The following CRYBG1 variants were observed in gnomAD, a reference collection of about 807,000 sequenced individuals.
CRYBG1 encodes crystallin beta-gamma domain containing 1, also known as beta/gamma crystallin domain-containing protein 1.
In CRYBG1, 139 loss-of-function variants were observed where a neutral mutation model predicts 189.2. The ratio of observed to expected loss-of-function variants is 0.73; its 90% CI spans 0.64 to 0.85. The LOEUF is 0.85. Ranked by LOEUF, CRYBG1 falls within the 40% of genes least tolerant of loss-of-function variation. The pLI is 0.00. For missense variants in CRYBG1, 2,611 were observed against 2,675.8 expected (o/e 0.98, Z 0.53); for synonymous variants, 1,023 against 1,017.1 (o/e 1.01, Z -0.11).
chr6:106,516,911 C>T (rs1417536642), intron 3 of CRYBG1, among the ~76,000 whole-genome samples: 3 of 151,604 alleles, frequency 2.0e-5, no homozygotes, highest in Non-Finnish European at 1.5e-5. Flanking sequence ...TAAGTAAGCC[C>T]GATGAAGCAT....
Position 106,520,895 on chromosome 6 carries a change from T to G in CRYBG1, c.3687T>G (p.Asn1229Lys). The G allele has an allele frequency of 6.2e-7, 1 of 1,614,190 alleles. No individual in the cohort carries two copies. The highest frequency in any genetic ancestry group is 8.5e-7 in the Non-Finnish European group (1 of 1,180,032). ...INDKENRDVT[N>K]GGIKRSRLEK... ...ACAAAGAGAACAGGGACGTCACAAA[T>G]GGTGGCATTAAGAGATCGAGACTAG... is the stretch of plus-strand genomic sequence containing the variant. Residue 1229 changes from asparagine to lysine, a missense_variant, in exon 4 of 22, where the codon AAT becomes AAG. By Grantham distance (94) the Asn-to-Lys change is moderately conservative. Transcript: ENST00000633556.
At chr6:106,544,386 T>C (rs988795678) in intron 11 of CRYBG1, among the ~76,000 whole-genome samples, 185 bp from the exon 12 acceptor site, 2 of 152,134 alleles carry the variant, frequency 1.3e-5, no homozygotes, top group African/African-American at 4.8e-5. Flanking sequence ...GATATATGTC[T>C]CTTAGGTTAT....
intron 20 of CRYBG1, 123 bp downstream of exon 20, chr6:106,561,623 A>C: frequency 8.1e-7 from 1 of 1,230,250 alleles, no homozygotes; most frequent in African/African-American, 1.5e-5. Context: ...TACTTTCAGA[A>C]ATGAATTTGT....
At chr6:106,393,861 T>C (rs933944301) in intron 1 of CRYBG1, among the ~76,000 whole-genome samples, 6 of 152,066 alleles carry the variant, frequency 3.9e-5, no homozygotes, top group Non-Finnish European at 1.5e-5. Flanking sequence ...TTAGTACAGA[T>C]GGGGTTTTGC....
Position 106,543,570 on chromosome 6 carries a change from T to TG in CRYBG1, c.5016dup (p.Ser1673ValfsTer13). 1 of 1,614,026 alleles carries TG rather than the reference T, an allele frequency of 6.2e-7. No homozygotes were observed. The highest frequency in any genetic ancestry group is 8.5e-7 in the Non-Finnish European group (1 of 1,179,936). Reference sequence around the variant, plus strand: ...GACGATCATTTGCCGTTTACGTCAGTGGGGTCTATGAAAGTTCTAAGAGGC... The same window carrying TG: ...GACGATCATTTGCCGTTTACGTCAGTGGGGGTCTATGAAAGTTCTAAGAGGC... On this transcript the variant is annotated frameshift_variant, in exon 11 of 22. Coordinates refer to ENST00000633556, the MANE Select transcript of CRYBG1 (RefSeq NM_001371242.2). LOFTEE classifies it high-confidence loss of function.
At chr6:106,456,631 A>G (rs897859402) in intron 2 of CRYBG1, among the ~76,000 whole-genome samples, 2 of 152,138 alleles carry the variant, frequency 1.3e-5, no homozygotes, top group East Asian at 3.8e-4. Context: ...TTTGTTTTCC[A>G]TGTTTCCCAG....
rs747613157 is a variant in CRYBG1 at position 106,520,980 on chromosome 6, C to T, written c.3772C>T (p.Pro1258Ser). 7 of 1,614,134 alleles carry T rather than the reference C, an allele frequency of 4.3e-6. No homozygotes were observed. Among genetic ancestry groups the T allele is most frequent in the Non-Finnish European group, 5.9e-6 (7 of 1,180,026 alleles). The change falls in exon 4 of 22, where the codon CCT (proline) becomes TCT (serine). Residue 1258 changes from proline (P) to serine (S), a missense_variant. This residue lies in a region of CRYBG1 where 1,622 missense variants were observed against 1,735.0 expected (regional missense o/e 0.93). Coordinates refer to ENST00000633556, the MANE Select transcript of CRYBG1 (RefSeq NM_001371242.2). The part of the protein sequence containing the change: ...SSLPQDKIFS[P>S]SVTSVNTMTT... The stretch of plus-strand genomic sequence containing the variant: ...TTTACCACAAGACAAAATCTTTTCT[C>T]CTTCTGTGACATCAGTCAACACTAT...
intron 1 of CRYBG1, among the ~76,000 whole-genome samples, chr6:106,408,049 C>A (rs762779849): frequency 6.6e-6 from 1 of 152,018 alleles, no homozygotes; most frequent in Non-Finnish European, 1.5e-5. Context: ...GAGATAGAGA[C>A]AGGAAAAACC....
intron 17 of CRYBG1, among the ~76,000 whole-genome samples, chr6:106,556,929 T>C (rs1373517491): frequency 6.6e-6 from 1 of 152,200 alleles, no homozygotes; most frequent in East Asian, 1.9e-4. Context: ...TTCTAAAAGC[T>C]ACCTACAAGT....
At chr6:106,452,176 G>A (rs1771794533) in intron 2 of CRYBG1, among the ~76,000 whole-genome samples, 1 of 148,208 alleles carries the variant, frequency 6.7e-6, no homozygotes, top group Admixed American at 6.7e-5. Flanking sequence ...GGAGGCAGAG[G>A]CAGGCGGATC....
chr6:106,506,046 G>A (rs1376266913), intron 2 of CRYBG1, among the ~76,000 whole-genome samples: 2 of 152,216 alleles, frequency 1.3e-5, no homozygotes, highest in African/African-American at 2.4e-5. Context: ...CTGAGAGGCT[G>A]CAGTAAACCT....
intron 1 of CRYBG1, chr6:106,420,767 G>T (rs1164065186): frequency 6.5e-6 from 1 of 152,862 alleles, no homozygotes; most frequent in Admixed American, 6.6e-5. Context: ...AGATTTCATT[G>T]TTCCTTCCCC....
intron 1 of CRYBG1, among the ~76,000 whole-genome samples, chr6:106,448,274 C>G (rs558124098): frequency 2.4e-4 from 37 of 152,210 alleles, no homozygotes; most frequent in Non-Finnish European, 5.1e-4. Context: ...TTAGCCAACA[C>G]CCCATCATTC....
At chr6:106,535,450 A>G (rs897658390) in intron 8 of CRYBG1, among the ~76,000 whole-genome samples, 2 of 152,186 alleles carry the variant, frequency 1.3e-5, no homozygotes, top group Non-Finnish European at 2.9e-5. Flanking sequence ...GAGCACTTCA[A>G]TGTACATTGG....
chr6:106,503,178 A>C (rs574158166), intron 2 of CRYBG1, among the ~76,000 whole-genome samples: 7 of 152,306 alleles, frequency 4.6e-5, no homozygotes, highest in East Asian at 1.9e-4. Context: ...TTAGGGGGGA[A>C]ATCAGGGCCT....
chr6:106,407,769 GAC>G (rs1770853309), intron 1 of CRYBG1, among the ~76,000 whole-genome samples: 1 of 152,178 alleles, frequency 6.6e-6, no homozygotes, highest in Admixed American at 6.5e-5. Flanking sequence ...GCTCCTGAAT[GAC>G]TACTGGGTAA....
At chr6:106,551,373 C>T (rs1246978001) in intron 13 of CRYBG1, among the ~76,000 whole-genome samples, 2 of 152,152 alleles carry the variant, frequency 1.3e-5, no homozygotes, top group East Asian at 1.9e-4. Context: ...TATAGTATTC[C>T]ATGGTTTATA....
At chr6:106,510,065 G>A (rs1259119111) in intron 2 of CRYBG1, among the ~76,000 whole-genome samples, 1 of 152,192 alleles carries the variant, frequency 6.6e-6, no homozygotes, top group Non-Finnish European at 1.5e-5. Context: ...GAACCTCCCC[G>A]TAGTCGGTAC....
chr6:106,511,587 C>T lies in CRYBG1; in HGVS notation c.470C>T (p.Ser157Phe). Reference sequence around the variant, plus strand: ...CTCTCTCCCAAAGATGTGGTAGCCTCTCCTAAGCTCCCAGAGAGAGAGAGT... The same window carrying T: ...CTCTCTCCCAAAGATGTGGTAGCCTTTCCTAAGCTCCCAGAGAGAGAGAGT... ...KPLSPKDVVA[S>F]PKLPERESER... The change falls in exon 3 of 22, where the codon TCT becomes TTT. Residue 157 changes from serine to phenylalanine, a missense_variant. Around this residue, in one of 3 missense-constraint regions of CRYBG1, gnomAD observed 985 missense variants for 924.4 expected, o/e 1.07. Coordinates refer to ENST00000633556, the MANE Select transcript of CRYBG1 (RefSeq NM_001371242.2). 6.5e-7 allele frequency: 1 copy of T among 1,535,852 alleles called. No homozygotes were observed. The highest frequency in any genetic ancestry group is 8.7e-7 in the Non-Finnish European group (1 of 1,146,702).
Sources: allele counts gnomAD v4.1 joint callset (sites outside exome capture counted in the v4.1 genomes callset), GRCh38; gene constraint gnomAD v4.1.1; regional missense constraint gnomAD v4.1.1; transcripts MANE v1.5; gene names NCBI Gene and HGNC (gene_info 2026-07-23, HGNC 2026-07-21).